Variants in SLC35F4 observed in about 807,000 individuals in gnomAD.
SLC35F4 encodes the protein chromosome 14 open reading frame 36.
Under a neutral mutation model 44.2 loss-of-function variants are expected in SLC35F4, and 24 were observed. That is an observed-to-expected ratio of 0.54 (90% CI 0.39 to 0.76). The LOEUF (loss-of-function observed/expected upper bound fraction) is 0.76. Among genes scored for constraint, SLC35F4 ranks in the 30% least tolerant of loss-of-function variants. SLC35F4 has a pLI of 0.00. For synonymous variants in SLC35F4, 238 were observed against 223.6 expected, an observed-to-expected ratio of 1.06 and a Z score of -0.57; for missense variants, 562 against 586.1, an observed-to-expected ratio of 0.96 and a Z score of 0.42.
chr14:57,948,828 T>A (rs112951793), intron 1 of SLC35F4, among the ~76,000 whole-genome samples: 4,596 of 152,252 alleles, frequency 0.03, 97 homozygotes, highest in Non-Finnish European at 0.042. Context: ...TTAATTTCCA[T>A]GTATTTGTAT....
In SLC35F4 at chr14:57,698,078, T is replaced by C. The variant is rs144002314; in HGVS notation, c.104-103954A>G. 3.3e-5 allele frequency among the ~76,000 whole-genome samples: 5 copies of C among 152,310 alleles called. No individual in the cohort carries two copies. The South Asian group carries it at 1.0e-3, about 32-fold the overall frequency. ...ATGGGGATAATAATAACAGCACCTA[T>C]CTCATAGAGATTCTTAAGAGAATTG... On this transcript the variant is annotated intron_variant, in intron 1 of 7. Transcript: ENST00000556826.
intron 1 of SLC35F4, among the ~76,000 whole-genome samples, chr14:57,621,350 G>T (rs1021446394): frequency 1.3e-5 from 2 of 151,692 alleles, no homozygotes; most frequent in African/African-American, 4.8e-5. Flanking sequence ...AAAAGAGCCT[G>T]CATCGCCAAG....
chr14:57,842,402 A>G (rs2048505079), intron 1 of SLC35F4, among the ~76,000 whole-genome samples: 1 of 152,132 alleles, frequency 6.6e-6, no homozygotes, highest in South Asian at 2.1e-4. Context: ...CAACTCCCCA[A>G]CCTTCTCCAT....
chr14:57,815,205 G>T (rs186068181), intron 1 of SLC35F4, among the ~76,000 whole-genome samples: 16 of 152,306 alleles, frequency 1.1e-4, no homozygotes, highest in African/African-American at 3.8e-4. Flanking sequence ...CAACATCTCA[G>T]TGACAATTTA....
At chr14:57,949,146 T>C (rs1890088608) in intron 1 of SLC35F4, among the ~76,000 whole-genome samples, 1 of 152,168 alleles carries the variant, frequency 6.6e-6, no homozygotes, top group Non-Finnish European at 1.5e-5. Flanking sequence ...CCTACTATTA[T>C]TGTGTTACCA....
At chr14:57,864,107 T>C (rs1031541829) in intron 1 of SLC35F4, among the ~76,000 whole-genome samples, 3 of 152,222 alleles carry the variant, frequency 2.0e-5, no homozygotes, top group East Asian at 3.8e-4. Flanking sequence ...ATTACAATAA[T>C]AAACCACCCT....
intron 1 of SLC35F4, among the ~76,000 whole-genome samples, chr14:57,898,047 C>T (rs993080876): frequency 3.9e-5 from 6 of 152,174 alleles, no homozygotes; most frequent in African/African-American, 1.2e-4. Context: ...GAGTAATCTC[C>T]ATGCCCTGTC....
rs575750995 is a variant in SLC35F4 at position 57,574,923 on chromosome 14, G to A, written c.808-2904C>T. The stretch of plus-strand genomic sequence containing the variant: ...TCTTCTCAACAGAAAAACACAAAAC[G>A]ACTCTTCTTGGCCTCAGCTTTCTGG... On this transcript the variant is annotated intron_variant, in intron 4 of 7. Transcript: ENST00000556826. Among the ~76,000 whole-genome samples, 15 of 152,218 alleles carry A rather than the reference G, an allele frequency of 9.9e-5. No individual in the cohort carries two copies. In the South Asian group the frequency reaches 2.9e-3, roughly 30 times the overall value.
chr14:57,830,261 G>A (rs1379818315), intron 1 of SLC35F4, among the ~76,000 whole-genome samples: 1 of 152,090 alleles, frequency 6.6e-6, no homozygotes, highest in Non-Finnish European at 1.5e-5. Flanking sequence ...ATCAATCTCT[G>A]TAATCCTTGG....
intron 2 of SLC35F4, among the ~76,000 whole-genome samples, chr14:57,592,846 TG>T (rs1357156180): frequency 6.6e-6 from 1 of 152,170 alleles, no homozygotes. Flanking sequence ...AGGTTTTTAT[TG>T]TTGTTGTTGG....
Position 57,969,958 on chromosome 14 carries a change from G to C in SLC35F4, n.282+11955C>G, listed in dbSNP as rs983169689. On this transcript the variant is annotated intron_variant and non_coding_transcript_variant, in intron 1 of 1. Coordinates refer to the SLC35F4 transcript ENST00000556568. Reference sequence around the variant, plus strand: ...GTCTCACACTAAGTGCTTATCCCAAGGGGATAAAGACAAAGTCAAAATTAA... The same window carrying C: ...GTCTCACACTAAGTGCTTATCCCAACGGGATAAAGACAAAGTCAAAATTAA... 9.2e-5 allele frequency among the ~76,000 whole-genome samples: 14 copies of C among 152,074 alleles called. No homozygotes were observed. In the South Asian group the frequency reaches 2.1e-3, roughly 23 times the overall value.
At chr14:57,911,475 CTGAGAGTGTTTATCA>C (rs1889214909) in intron 1 of SLC35F4, among the ~76,000 whole-genome samples, 2 of 151,986 alleles carry the variant, frequency 1.3e-5, no homozygotes, top group South Asian at 4.1e-4. Context: ...TTTTACTTTG[CTGAGAGTGTTTATCA>C]TGAATGGGTG....
At chr14:57,655,109 G>A (rs1021486901) in intron 1 of SLC35F4, among the ~76,000 whole-genome samples, 2 of 152,058 alleles carry the variant, frequency 1.3e-5, no homozygotes, top group African/African-American at 4.8e-5. Context: ...CTGAAGGGTT[G>A]AGCTGGTGCT....
chr14:57,570,788 G>A (rs1042224518), intron 5 of SLC35F4, among the ~76,000 whole-genome samples: 4 of 152,182 alleles, frequency 2.6e-5, no homozygotes, highest in Non-Finnish European at 5.9e-5. Context: ...CTCTGTAAGA[G>A]TGCCATTCTG....
chr14:57,638,944 T>A (rs2073117495), intron 1 of SLC35F4, among the ~76,000 whole-genome samples: 1 of 151,978 alleles, frequency 6.6e-6, no homozygotes, highest in Non-Finnish European at 1.5e-5. Context: ...CAAGTGTTCA[T>A]TCTTTCAAGC....
intron 1 of SLC35F4, among the ~76,000 whole-genome samples, chr14:57,769,930 AAT>A (rs1238164809): frequency 4.6e-5 from 7 of 152,188 alleles, no homozygotes; most frequent in African/African-American, 1.7e-4. Flanking sequence ...TCATATTTTC[AAT>A]ATTTTACATA....
intron 3 of SLC35F4, among the ~76,000 whole-genome samples, chr14:57,587,426 T>G (rs1594957171): frequency 6.6e-6 from 1 of 152,226 alleles, no homozygotes; most frequent in South Asian, 2.1e-4. Context: ...ATATACACTA[T>G]GGAATACTAT....
intron 1 of SLC35F4, among the ~76,000 whole-genome samples, chr14:57,775,133 C>T (rs1199618675): frequency 1.3e-5 from 2 of 152,346 alleles, no homozygotes; most frequent in African/African-American, 4.8e-5. Context: ...CCACCAGCAC[C>T]CCACCCCTGT....
At chr14:57,751,024 G>A (rs1030718729) in intron 1 of SLC35F4, among the ~76,000 whole-genome samples, 4 of 152,138 alleles carry the variant, frequency 2.6e-5, no homozygotes, top group Non-Finnish European at 5.9e-5. Context: ...GTTACTTACA[G>A]CATCAGCATC....
Sources: allele counts gnomAD v4.1 joint callset (sites outside exome capture counted in the v4.1 genomes callset), GRCh38; gene constraint gnomAD v4.1.1; transcripts MANE v1.5; gene names NCBI Gene and HGNC (gene_info 2026-07-23, HGNC 2026-07-21).